Variants in CHD9 observed in about 807,000 individuals in gnomAD.
CHD9 encodes chromodomain helicase DNA binding protein 9, also known as ATP-dependent chromatin remodeler CHD9.
CHD9 carries 77 observed loss-of-function variants against 316.1 expected under a neutral mutation model. The observed-to-expected ratio is 0.24, with a 90% CI of 0.20 to 0.29. The LOEUF (loss-of-function observed/expected upper bound fraction) is 0.29, where lower values mean the gene tolerates loss of function less well. Ranked by LOEUF, CHD9 falls within the 10% of genes least tolerant of loss-of-function variation. The pLI is 1.00. For missense variants in CHD9, 2,763 were observed against 3,438.1 expected (o/e 0.80, Z 4.91); for synonymous variants, 1,129 against 1,158.3 (o/e 0.97, Z 0.51).
intron 2 of CHD9, among the ~76,000 whole-genome samples, chr16:53,201,845 GT>G (rs796703916): frequency 9.4e-4 from 134 of 143,066 alleles, no homozygotes; most frequent in Non-Finnish European, 1.2e-3. Flanking sequence ...TCAGTTTGAG[GT>G]TTTTTTTTTT....
chr16:53,216,425 CTT>C (rs991023796), intron 3 of CHD9, among the ~76,000 whole-genome samples: 1 of 152,006 alleles, frequency 6.6e-6, no homozygotes, highest in Non-Finnish European at 1.5e-5. Context: ...TCATATTTCT[CTT>C]TTGTCATTAT....
At chr16:53,317,533 C>T (rs1046317641) in intron 36 of CHD9, among the ~76,000 whole-genome samples, 3 of 152,046 alleles carry the variant, frequency 2.0e-5, no homozygotes, top group Non-Finnish European at 4.4e-5. Context: ...CACTTTGTTG[C>T]CCAGGCTGGA....
chr16:53,076,041 T>C (rs185062212), intron 1 of CHD9, among the ~76,000 whole-genome samples: 1 of 152,374 alleles, frequency 6.6e-6, no homozygotes, highest in Non-Finnish European at 1.5e-5. Context: ...CATGTGCTTA[T>C]TGGCCGTTTA....
At chr16:53,229,729 C>A (rs926195077) in intron 8 of CHD9, among the ~76,000 whole-genome samples, 2 of 152,170 alleles carry the variant, frequency 1.3e-5, no homozygotes, top group African/African-American at 4.8e-5. Flanking sequence ...TTTGCTTTAT[C>A]ATTTGTATTC....
intron 2 of CHD9, among the ~76,000 whole-genome samples, chr16:53,174,492 C>T (rs2042974061): frequency 6.6e-6 from 1 of 152,048 alleles, no homozygotes; most frequent in Non-Finnish European, 1.5e-5. Flanking sequence ...AGTGGCTTTG[C>T]ATGTATTCTT....
intron 3 of CHD9, among the ~76,000 whole-genome samples, chr16:53,219,038 G>A: frequency 6.6e-6 from 1 of 152,150 alleles, no homozygotes; most frequent in Non-Finnish European, 1.5e-5. Context: ...CGTACTGGGA[G>A]AGGCATGAGA....
intron 12 of CHD9, among the ~76,000 whole-genome samples, chr16:53,241,470 A>ATCCT (rs1327253018): frequency 2.0e-5 from 3 of 152,226 alleles, no homozygotes; most frequent in Non-Finnish European, 4.4e-5. Context: ...CACCAAGTGT[A>ATCCT]AACTCTTTCC....
chr16:53,141,501 TG>T (rs1390160616), intron 1 of CHD9, among the ~76,000 whole-genome samples: 3 of 152,194 alleles, frequency 2.0e-5, no homozygotes, highest in Non-Finnish European at 1.5e-5. Flanking sequence ...TACAGTTCAG[TG>T]GGGGCATTCT....
intron 1 of CHD9, among the ~76,000 whole-genome samples, chr16:53,076,145 G>A (rs1188723151): frequency 6.6e-6 from 1 of 151,924 alleles, no homozygotes; most frequent in Non-Finnish European, 1.5e-5. Flanking sequence ...TGTATCTTCT[G>A]GCTATTAATC....
intron 37 of CHD9, chr16:53,321,162 G>T (rs1050787716): frequency 8.8e-7 from 1 of 1,138,580 alleles, no homozygotes; most frequent in East Asian, 5.7e-5. Context: ...CCATTTTACA[G>T]ATCAGAAAAT....
chr16:53,308,854 G>A lies in CHD9; in HGVS notation c.7222G>A (p.Gly2408Ser), dbSNP rs2056220166. The A allele has an allele frequency of 3.7e-6, 6 of 1,604,022 alleles. No individual in the cohort carries two copies. In the South Asian group the frequency reaches 4.4e-5, roughly 12 times the overall value. The change falls in exon 34 of 39, where the codon GGT becomes AGT. Residue 2408 changes from glycine to serine, a missense_variant and splice_region_variant. Coordinates refer to ENST00000447540, the MANE Select transcript of CHD9 (RefSeq NM_001308319.2). ...VNFPKSIPVS[G>S]TSIQPTLGAN... ...TTTCCCAAAATCCATACCAGTATCA[G>A]GTGAATATGCAAGTAATAATTGTCT...
At position 53,157,330 on chromosome 16, in the gene CHD9, T is replaced by G. The variant is rs1262808390; in HGVS notation, c.1241T>G (p.Leu414Arg). Residue 414 changes from leucine (L) to arginine (R), a missense_variant, in exon 2 of 39, where the codon CTT becomes CGT. Leu to Arg is a moderately radical substitution (Grantham distance 102). Transcript: ENST00000447540. ...LDPEDLLQEGLLPHFDESTFG... is the reference protein window; with the variant it reads ...LDPEDLLQEGRLPHFDESTFG... ...CCCGAGGACCTCCTTCAGGAGGGTC[T>G]TCTTCCTCACTTTGATGAGTCAACA... 5.6e-6 allele frequency: 9 copies of G among 1,613,662 alleles called. No homozygotes were observed. The highest frequency in any genetic ancestry group is 7.6e-6 in the Non-Finnish European group (9 of 1,179,794).
intron 2 of CHD9, among the ~76,000 whole-genome samples, chr16:53,183,955 T>C (rs2043763531): frequency 6.6e-6 from 1 of 151,986 alleles, no homozygotes; most frequent in Non-Finnish European, 1.5e-5. Context: ...TTTTTTTTCT[T>C]TTTTTTTGAG....
intron 11 of CHD9, among the ~76,000 whole-genome samples, chr16:53,235,828 T>C (rs1407745260): frequency 2.6e-5 from 4 of 152,190 alleles, no homozygotes; most frequent in Non-Finnish European, 5.9e-5. Flanking sequence ...ATATCTTACA[T>C]TCTTTTTTGA....
At chr16:53,088,492 A>G (rs2035667381) in intron 1 of CHD9, among the ~76,000 whole-genome samples, 1 of 151,548 alleles carries the variant, frequency 6.6e-6, no homozygotes, top group Non-Finnish European at 1.5e-5. Context: ...GTTAGCCAGG[A>G]TGGTCTCGAT....
chr16:53,183,445 G>A (rs1339453474), intron 2 of CHD9, among the ~76,000 whole-genome samples: 1 of 152,120 alleles, frequency 6.6e-6, no homozygotes, highest in Non-Finnish European at 1.5e-5. Flanking sequence ...GGTTATATCT[G>A]TAACAGGTTA....
At chr16:53,270,424 G>C (rs1419954852) in intron 22 of CHD9, among the ~76,000 whole-genome samples, 2 of 151,884 alleles carry the variant, frequency 1.3e-5, no homozygotes, top group African/African-American at 4.8e-5. Flanking sequence ...TTTAATGGAG[G>C]CTTTATCACT....
intron 22 of CHD9, among the ~76,000 whole-genome samples, chr16:53,268,446 TTTAG>T (rs1188340183): frequency 6.6e-6 from 1 of 152,354 alleles, no homozygotes; most frequent in Non-Finnish European, 1.5e-5. Context: ...CCATAATTTA[TTTAG>T]TATCTCCTTT....
rs2051368649 is a variant in CHD9 at position 53,263,707 on chromosome 16, C to T, written c.4320+610C>T. ...TATATTAAGCACTCATGCATTGGAT[C>T]TTTGTTGATAGCCTTTTAAAATGTA... On this transcript the variant is annotated intron_variant, in intron 20 of 38. Transcript: ENST00000447540. 2.0e-5 allele frequency among the ~76,000 whole-genome samples: 3 copies of T among 152,064 alleles called. No homozygotes were observed. In the South Asian group the frequency reaches 6.2e-4, roughly 32 times the overall value.
Sources: gnomAD v4.1 joint callset for allele counts (sites outside exome capture counted in the v4.1 genomes callset) on GRCh38, gnomAD v4.1.1 for gene constraint, MANE v1.5 for transcripts, NCBI Gene and HGNC (gene_info 2026-07-23, HGNC 2026-07-21) for gene names.